CACNA1D: variants seen among roughly 807,000 people sequenced by gnomAD.
CACNA1D encodes calcium voltage-gated channel subunit alpha1 D.
A neutral mutation model predicts 257.1 loss-of-function variants in CACNA1D; 55 were observed. The observed-to-expected ratio is 0.21, with a 90% CI of 0.17 to 0.27. CACNA1D has a LOEUF of 0.27. CACNA1D is among the 10% of genes least tolerant of loss of function. The probability of loss-of-function intolerance (pLI) is 1.00; values close to 1 mark genes in which losing one functional copy is unlikely to be tolerated. For missense variants in CACNA1D, 1,876 were observed against 2,784.0 expected (o/e 0.67, Z 7.34); for synonymous variants, 980 against 1,014.9 (o/e 0.97, Z 0.65).
chr3:53,705,710 G>C (rs1449167946), intron 9 of CACNA1D, among the ~76,000 whole-genome samples: 7 of 152,216 alleles, frequency 4.6e-5, no homozygotes, highest in Non-Finnish European at 5.9e-5. Context: ...TGGAGGCCAT[G>C]ATGGGATTTA....
At chr3:53,683,566 A>G (rs1026394688) in intron 8 of CACNA1D, among the ~76,000 whole-genome samples, 1 of 152,250 alleles carries the variant, frequency 6.6e-6, no homozygotes, top group African/African-American at 2.4e-5. Flanking sequence ...GCAGGAAAAT[A>G]TTCACGATCA....
intron 9 of CACNA1D, among the ~76,000 whole-genome samples, chr3:53,706,863 A>G (rs574153163): frequency 3.3e-5 from 5 of 152,158 alleles, no homozygotes; most frequent in Admixed American, 2.6e-4. Context: ...CTTATCAGTG[A>G]GAATATGCAG....
rs983590919 is a variant in CACNA1D, at chr3:53,802,051, T to C, written c.5409-96T>C. 5 of 1,085,154 alleles carry C rather than the reference T, an allele frequency of 4.6e-6. No homozygotes were observed. The African/African-American group carries it at 6.2e-5, about 13-fold the overall frequency. 67.2% of individuals were successfully genotyped at this position (1,085,154 alleles called of 1,614,324 possible). The stretch of plus-strand genomic sequence containing the variant: ...TGGCGAATCATAATTTGCTAACCCC[T>C]ACTCTAGGAGGTAGCCTGATGTTTG... On this transcript the variant is annotated intron_variant, in intron 42 of 47. Coordinates refer to ENST00000350061, the MANE Select transcript of CACNA1D (RefSeq NM_001128840.3).
chr3:53,618,002 G>T (rs2093655657), intron 3 of CACNA1D, among the ~76,000 whole-genome samples: 1 of 152,180 alleles, frequency 6.6e-6, no homozygotes, highest in African/African-American at 2.4e-5. Context: ...GGAATGAAGA[G>T]GAGCCCCGAG....
intron 3 of CACNA1D, among the ~76,000 whole-genome samples, chr3:53,551,972 G>A (rs901412767): frequency 6.6e-6 from 1 of 152,196 alleles, no homozygotes; most frequent in Non-Finnish European, 1.5e-5. Context: ...TGAGTACTAG[G>A]TGGTATTTTC....
At position 53,599,196 on chromosome 3, in the gene CACNA1D, G is replaced by A. The variant is rs557063371; in HGVS notation, c.484-51583G>A. ...TTAAAAATATTTTAAAGTAAAACAT[G>A]TTAATTTTGAAACATATAGGAACCA... is the stretch of plus-strand genomic sequence containing the variant. On this transcript the variant is annotated intron_variant, in intron 3 of 47. Transcript: ENST00000350061. Among the ~76,000 whole-genome samples the A allele has an allele frequency of 2.0e-4, 30 of 152,188 alleles. No homozygotes were observed. In the South Asian group the frequency reaches 3.5e-3, roughly 18 times the overall value.
At chr3:53,502,936 C>G (rs1442561441) in intron 3 of CACNA1D, among the ~76,000 whole-genome samples, 1 of 152,146 alleles carries the variant, frequency 6.6e-6, no homozygotes, top group Non-Finnish European at 1.5e-5. Flanking sequence ...CATGTTGAAG[C>G]TCTATTTTAG....
chr3:53,503,425 T>A (rs2090687147), intron 3 of CACNA1D, among the ~76,000 whole-genome samples: 1 of 152,276 alleles, frequency 6.6e-6, no homozygotes, highest in Non-Finnish European at 1.5e-5. Flanking sequence ...CCACAGATGG[T>A]GTTAGCCTTG....
chr3:53,649,261 T>C (rs1198228854), intron 3 of CACNA1D, among the ~76,000 whole-genome samples: 4 of 152,226 alleles, frequency 2.6e-5, no homozygotes, highest in Non-Finnish European at 5.9e-5. Flanking sequence ...ATCCTAAAAT[T>C]TGTGTTTTTA....
At position 53,495,243 on chromosome 3, in the gene CACNA1D, C is replaced by T. The variant is rs750024591; in HGVS notation, c.67+10C>T. On this transcript the variant is annotated intron_variant, in intron 1 of 47. Transcript: ENST00000350061. This position sits in a 1 kb window ranked among gnomAD's most constrained non-coding sequence, Gnocchi z 5.1. ...GCGGACCACGCGAACGGTGAGCAGC[C>T]AGAGCCCGGGCACCCGCTGCCAAAT... is the stretch of plus-strand genomic sequence containing the variant. The T allele has an allele frequency of 9.9e-6, 16 of 1,613,460 alleles. No homozygotes were observed. Among genetic ancestry groups the T allele is most frequent in the Admixed American group, 1.7e-5 (1 of 60,004 alleles).
intron 3 of CACNA1D, among the ~76,000 whole-genome samples, chr3:53,608,232 CTA>C (rs778523031): frequency 5.9e-5 from 9 of 152,048 alleles, no homozygotes; most frequent in South Asian, 2.1e-4. Flanking sequence ...AAATGCATCC[CTA>C]TATCATTTGT....
intron 7 of CACNA1D, among the ~76,000 whole-genome samples, chr3:53,669,480 C>T (rs562716821): frequency 3.3e-5 from 5 of 152,354 alleles, no homozygotes; most frequent in African/African-American, 1.2e-4. Flanking sequence ...TGACTACAAG[C>T]ACATTTCTGA....
At chr3:53,730,597 G>T (rs757356480) in intron 16 of CACNA1D, 41 bp downstream of exon 16, 2 of 1,421,756 alleles carry the variant, frequency 1.4e-6, no homozygotes, top group Admixed American at 1.7e-5. Context: ...CAGGGGCTGT[G>T]TTGGGAGCCC....
intron 3 of CACNA1D, among the ~76,000 whole-genome samples, chr3:53,570,789 G>T (rs1372360931): frequency 6.6e-6 from 1 of 152,204 alleles, no homozygotes; most frequent in South Asian, 2.1e-4. Context: ...AAATGAACAG[G>T]ATAAATTTAA....
At chr3:53,657,835 A>G (rs538738293) in intron 4 of CACNA1D, among the ~76,000 whole-genome samples, 2 of 152,360 alleles carry the variant, frequency 1.3e-5, no homozygotes, top group East Asian at 1.9e-4. Context: ...TAGTCAAGAC[A>G]TTAAGAAAGT....
Position 53,772,342 on chromosome 3 carries a change from A to T in CACNA1D, c.4045-491A>T, listed in dbSNP as rs973585453. Among the ~76,000 whole-genome samples the T allele has an allele frequency of 1.8e-4, 27 of 152,126 alleles. 1 individual carries two copies. On this transcript the variant is annotated intron_variant, in intron 32 of 47. Transcript: ENST00000350061. ...CCAGTAATTCCACTCCTAAGACTTC[A>T]CCTTAAGGAAATACTTCAGCAGAAG...
chr3:53,583,407 C>T (rs1255865705), intron 3 of CACNA1D, among the ~76,000 whole-genome samples: 2 of 152,116 alleles, frequency 1.3e-5, no homozygotes, highest in Non-Finnish European at 2.9e-5. Context: ...CTGTACTTGC[C>T]AAATGTAGTC....
intron 29 of CACNA1D, among the ~76,000 whole-genome samples, chr3:53,755,305 C>A (rs1365192442): frequency 3.3e-5 from 5 of 152,148 alleles, no homozygotes; most frequent in Admixed American, 3.3e-4. Context: ...AGAAAGCACA[C>A]TCACCCATGG....
intron 8 of CACNA1D, among the ~76,000 whole-genome samples, chr3:53,698,413 C>A (rs2094591807): frequency 6.6e-6 from 1 of 152,160 alleles, no homozygotes; most frequent in South Asian, 2.1e-4. Flanking sequence ...GTAGTTCATC[C>A]CTCACTCCAA....
Sources: allele counts gnomAD v4.1 joint callset (sites outside exome capture counted in the v4.1 genomes callset), GRCh38; gene constraint gnomAD v4.1.1; non-coding constraint Gnocchi (gnomAD v3.1); transcripts MANE v1.5; gene names NCBI Gene and HGNC (gene_info 2026-07-23, HGNC 2026-07-21).